Variants in PRKD1 observed in about 807,000 individuals in gnomAD.
PRKD1 encodes the protein protein kinase D1.
Under a neutral mutation model 95.9 loss-of-function variants are expected in PRKD1, and 63 were observed. That is an observed-to-expected ratio of 0.66 (90% CI 0.54 to 0.81). PRKD1 has a LOEUF of 0.81. Among genes scored for constraint, PRKD1 ranks in the 30% least tolerant of loss-of-function variants. The pLI is 0.00. For missense variants in PRKD1, 1,048 were observed against 1,165.3 expected (o/e 0.90, Z 1.47); for synonymous variants, 425 against 423.1 (o/e 1.00, Z -0.05).
chr14:29,752,550 T>C (rs1887526428), intron 1 of PRKD1, among the ~76,000 whole-genome samples: 1 of 151,196 alleles, frequency 6.6e-6, no homozygotes, highest in South Asian at 2.1e-4. Flanking sequence ...AGTGGACAAA[T>C]ATTTATTATT....
At chr14:29,588,208 T>C (rs1893003345) in intron 16 of PRKD1, among the ~76,000 whole-genome samples, 1 of 152,216 alleles carries the variant, frequency 6.6e-6, no homozygotes, top group African/African-American at 2.4e-5. Flanking sequence ...GGGGTTATTT[T>C]TTTGTTTTGA....
chr14:29,672,328 G>A (rs534670900), intron 2 of PRKD1, among the ~76,000 whole-genome samples: 3 of 151,040 alleles, frequency 2.0e-5, no homozygotes, highest in East Asian at 3.9e-4. Flanking sequence ...GTGACAGAGC[G>A]AGACTCTGTC....
intron 16 of PRKD1, among the ~76,000 whole-genome samples, chr14:29,585,756 G>A (rs1226838359): frequency 6.6e-6 from 1 of 152,168 alleles, no homozygotes; most frequent in Non-Finnish European, 1.5e-5. Flanking sequence ...TAACTGCCAT[G>A]CAGATTATGT....
chr14:29,629,092 T>C lies in PRKD1; in HGVS notation c.1674A>G (p.Arg558=). 1.2e-6 allele frequency: 2 copies of C among 1,607,884 alleles called. No individual in the cohort carries two copies. Among genetic ancestry groups the C allele is most frequent in the Non-Finnish European group, 1.7e-6 (2 of 1,177,088 alleles). ...ATACTGAAATACTCACAGAGATATCTCCTGGAAATGCATGTAAAACAATAT... is the reference window on the plus strand; with the variant it reads ...ATACTGAAATACTCACAGAGATATCCCCTGGAAATGCATGTAAAACAATAT... ...SSVGTGTNLH[R]DISVSISVSN... The change falls in exon 11 of 18, where the codon AGA becomes AGG. Residue 558 remains arginine, a splice_region_variant and synonymous_variant. Transcript: ENST00000331968.
intron 1 of PRKD1, among the ~76,000 whole-genome samples, chr14:29,885,309 T>C (rs1009620623): frequency 6.6e-6 from 1 of 152,096 alleles, no homozygotes; most frequent in Admixed American, 6.5e-5. Context: ...AAATAAAATG[T>C]ATAGCTTTAT....
intron 1 of PRKD1, among the ~76,000 whole-genome samples, chr14:29,846,392 C>A (rs1440791993): frequency 6.6e-6 from 1 of 152,096 alleles, no homozygotes; most frequent in Admixed American, 6.6e-5. Flanking sequence ...AGCTGTAGCT[C>A]TGACTGAGGG....
At chr14:29,684,622 T>C (rs1883746492) in intron 2 of PRKD1, among the ~76,000 whole-genome samples, 1 of 152,186 alleles carries the variant, frequency 6.6e-6, no homozygotes. Context: ...CACTGAGGGT[T>C]AATCAGGCAG....
intron 1 of PRKD1, among the ~76,000 whole-genome samples, chr14:29,861,353 C>T (rs1019335585): frequency 6.6e-6 from 1 of 152,108 alleles, no homozygotes; most frequent in Non-Finnish European, 1.5e-5. Flanking sequence ...AGATTTTATA[C>T]CATACATAAC....
At chr14:29,681,779 G>A (rs1294708800) in intron 2 of PRKD1, among the ~76,000 whole-genome samples, 1 of 152,182 alleles carries the variant, frequency 6.6e-6, no homozygotes, top group Non-Finnish European at 1.5e-5. Context: ...ACATTGTCCT[G>A]TGTAAAAACC....
At chr14:29,704,579 C>A (rs990275082) in intron 2 of PRKD1, among the ~76,000 whole-genome samples, 2 of 152,112 alleles carry the variant, frequency 1.3e-5, no homozygotes, top group African/African-American at 4.8e-5. Context: ...CTTACCACTG[C>A]ACAATAATTC....
intron 16 of PRKD1, among the ~76,000 whole-genome samples, chr14:29,592,171 T>C (rs1893152638): frequency 6.6e-6 from 1 of 151,858 alleles, no homozygotes; most frequent in Non-Finnish European, 1.5e-5. Context: ...TACTGATGGG[T>C]AGCGAGGGAT....
chr14:29,688,068 T>C (rs1481200477), intron 2 of PRKD1, among the ~76,000 whole-genome samples: 2 of 152,158 alleles, frequency 1.3e-5, no homozygotes, highest in Non-Finnish European at 2.9e-5. Flanking sequence ...GCAGTCTGCA[T>C]TTCTTCTGGA....
At chr14:29,714,183 C>A (rs1229532613) in intron 2 of PRKD1, among the ~76,000 whole-genome samples, 27 of 152,060 alleles carry the variant, frequency 1.8e-4, no homozygotes, top group Admixed American at 1.8e-3. Flanking sequence ...TAAAATAGAG[C>A]TGTTTGGGGT....
chr14:29,785,224 T>G (rs1022209125), intron 1 of PRKD1, among the ~76,000 whole-genome samples: 1 of 152,158 alleles, frequency 6.6e-6, no homozygotes, highest in Non-Finnish European at 1.5e-5. Context: ...AAACTGATAT[T>G]GCCAATAAAG....
chr14:29,896,551 C>CA (rs1894133953), intron 1 of PRKD1, among the ~76,000 whole-genome samples: 2 of 151,744 alleles, frequency 1.3e-5, no homozygotes, highest in Non-Finnish European at 2.9e-5. Context: ...CCTGCATCGG[C>CA]AAAAAAATCT....
intron 1 of PRKD1, among the ~76,000 whole-genome samples, chr14:29,870,841 TAC>T (rs1190887724): frequency 6.6e-6 from 1 of 152,198 alleles, no homozygotes; most frequent in Non-Finnish European, 1.5e-5. Context: ...AAAATATAAT[TAC>T]AGACTTTAGC....
intron 1 of PRKD1, among the ~76,000 whole-genome samples, chr14:29,885,096 C>T (rs896553857): frequency 2.0e-5 from 3 of 148,388 alleles, no homozygotes; most frequent in African/African-American, 7.6e-5. Context: ...GCACTCCCCC[C>T]TGGGCAACAG....
At chr14:29,686,101 T>C (rs998472768) in intron 2 of PRKD1, among the ~76,000 whole-genome samples, 17 of 152,214 alleles carry the variant, frequency 1.1e-4, no homozygotes, top group Non-Finnish European at 1.9e-4. Context: ...TTTAATAGTT[T>C]TGTGAAAATC....
intron 1 of PRKD1, among the ~76,000 whole-genome samples, chr14:29,923,141 G>A (rs1343427945): frequency 6.6e-6 from 1 of 151,168 alleles, no homozygotes; most frequent in Non-Finnish European, 1.5e-5. Context: ...TGAGGTGAGA[G>A]GATCACTTAA....
Sources: allele counts gnomAD v4.1 joint callset (sites outside exome capture counted in the v4.1 genomes callset), GRCh38; gene constraint gnomAD v4.1.1; transcripts MANE v1.5; gene names NCBI Gene and HGNC (gene_info 2026-07-23, HGNC 2026-07-21).